ZMAT4: variants seen among roughly 807,000 people sequenced by gnomAD.
ZMAT4 encodes zinc finger matrin-type 4, also known as zinc finger matrin-type protein 4.
ZMAT4 carries 17 observed loss-of-function variants against 28.7 expected under a neutral mutation model. The observed-to-expected ratio is 0.59, with a 90% confidence interval of 0.41 to 0.89. The LOEUF (loss-of-function observed/expected upper bound fraction) is 0.89. ZMAT4 is among the 40% of genes least tolerant of loss of function. The pLI, the probability that ZMAT4 is intolerant of heterozygous loss-of-function variation, is 0.00. For missense variants in ZMAT4, 240 were observed against 283.8 expected (o/e 0.85, Z 1.11); for synonymous variants, 117 against 109.2 (o/e 1.07, Z -0.44).
At chr8:40,567,557 C>T (rs1322362246) in intron 6 of ZMAT4, among the ~76,000 whole-genome samples, 2 of 151,884 alleles carry the variant, frequency 1.3e-5, no homozygotes, top group South Asian at 2.1e-4. Flanking sequence ...ATGGTGAAAC[C>T]CTGTCCCTAC....
chr8:40,788,313 G>A (rs890232013), intron 2 of ZMAT4, among the ~76,000 whole-genome samples: 13 of 152,144 alleles, frequency 8.5e-5, no homozygotes, highest in South Asian at 2.1e-4. Context: ...GGCTGGGCAC[G>A]GTGGCTCACG....
intron 3 of ZMAT4, among the ~76,000 whole-genome samples, chr8:40,721,318 T>G (rs1316898836): frequency 7.7e-6 from 1 of 130,444 alleles, no homozygotes; most frequent in African/African-American, 2.9e-5. Context: ...TCATCATTTT[T>G]TATGGCTGCA....
At chr8:40,839,418 C>T (rs1586147667) in intron 1 of ZMAT4, among the ~76,000 whole-genome samples, 1 of 152,200 alleles carries the variant, frequency 6.6e-6, no homozygotes, top group Admixed American at 6.5e-5. Flanking sequence ...TTGGAAAGTA[C>T]ATTTAAGTAC....
At chr8:40,628,296 T>TATGG (rs978533100) in intron 5 of ZMAT4, among the ~76,000 whole-genome samples, 1 of 152,172 alleles carries the variant, frequency 6.6e-6, no homozygotes, top group African/African-American at 2.4e-5. Flanking sequence ...GACGGTAATA[T>TATGG]ATGGATCAAA....
chr8:40,875,577 G>A (rs556052399), intron 1 of ZMAT4, among the ~76,000 whole-genome samples: 1 of 152,332 alleles, frequency 6.6e-6, no homozygotes, highest in African/African-American at 2.4e-5. Flanking sequence ...TGGGAAAGCA[G>A]GCTAGAGTGT....
chr8:40,678,612 T>C, intron 4 of ZMAT4, among the ~76,000 whole-genome samples: 1 of 152,230 alleles, frequency 6.6e-6, no homozygotes, highest in South Asian at 2.1e-4. Context: ...CACAATTCAT[T>C]TGGCATTTCT....
intron 4 of ZMAT4, among the ~76,000 whole-genome samples, chr8:40,689,534 T>C (rs921177537): frequency 1.3e-5 from 2 of 152,216 alleles, no homozygotes; most frequent in African/African-American, 2.4e-5. Flanking sequence ...TTAAAATGTA[T>C]AGATATTTCA....
intron 4 of ZMAT4, among the ~76,000 whole-genome samples, chr8:40,687,693 G>A (rs926267690): frequency 6.6e-6 from 1 of 152,098 alleles, no homozygotes; most frequent in Non-Finnish European, 1.5e-5. Flanking sequence ...TGGACTAAAT[G>A]TTCATTTACC....
chr8:40,579,897 T>A, intron 6 of ZMAT4, among the ~76,000 whole-genome samples: 1 of 151,464 alleles, frequency 6.6e-6, no homozygotes, highest in South Asian at 2.1e-4. Flanking sequence ...GATTGCTCCC[T>A]CCCCCATGCT....
At chr8:40,619,757 G>A (rs1419978833) in intron 5 of ZMAT4, among the ~76,000 whole-genome samples, 1 of 152,200 alleles carries the variant, frequency 6.6e-6, no homozygotes, top group Non-Finnish European at 1.5e-5. Flanking sequence ...ATTTAAATCA[G>A]AGGCTCTGAA....
chr8:40,815,107 G>A (rs61242549), intron 2 of ZMAT4, among the ~76,000 whole-genome samples: 13,213 of 151,838 alleles, frequency 0.087, 882 homozygotes, highest in East Asian at 0.31. Flanking sequence ...AAACCCTGTC[G>A]CTATTAAAAA....
chr8:40,802,070 C>T (rs1006521269), intron 2 of ZMAT4, among the ~76,000 whole-genome samples: 2 of 152,132 alleles, frequency 1.3e-5, no homozygotes, highest in Admixed American at 1.3e-4. Flanking sequence ...AATAGAGAAA[C>T]ATTTTCTCAA....
intron 1 of ZMAT4, among the ~76,000 whole-genome samples, chr8:40,850,750 C>G (rs1247370475): frequency 6.6e-6 from 1 of 152,122 alleles, no homozygotes; most frequent in Non-Finnish European, 1.5e-5. Flanking sequence ...TACGTAAACC[C>G]TCACCTTATG....
In ZMAT4 at chr8:40,702,540, G is replaced by A. The variant is rs543361104; in HGVS notation, c.193-5139C>T. 7.9e-5 allele frequency among the ~76,000 whole-genome samples: 12 copies of A among 152,240 alleles called. No homozygotes were observed. In the East Asian group the frequency reaches 2.3e-3, roughly 29 times the overall value. ...AAAAGTTTTCAGAAGAATTCAATCAGGATGGAAAACCTCACTGACTGGCTA... is the reference window on the plus strand; with the variant it reads ...AAAAGTTTTCAGAAGAATTCAATCAAGATGGAAAACCTCACTGACTGGCTA... On this transcript the variant is annotated intron_variant, in intron 3 of 6. Coordinates refer to ENST00000297737, the MANE Select transcript of ZMAT4 (RefSeq NM_024645.3).
chr8:40,823,922 G>T (rs1815925747), intron 2 of ZMAT4, among the ~76,000 whole-genome samples: 1 of 152,142 alleles, frequency 6.6e-6, no homozygotes, highest in African/African-American at 2.4e-5. Context: ...TTGCTGCAAA[G>T]GAATTAATGA....
intron 2 of ZMAT4, among the ~76,000 whole-genome samples, chr8:40,771,650 T>C (rs1202777705): frequency 6.6e-6 from 1 of 152,264 alleles, no homozygotes; most frequent in Admixed American, 6.5e-5. Flanking sequence ...ATGAGCCTTC[T>C]TAACCCAAGA....
intron 2 of ZMAT4, among the ~76,000 whole-genome samples, chr8:40,800,997 AG>A (rs1422677388): frequency 6.6e-6 from 1 of 152,076 alleles, no homozygotes; most frequent in African/African-American, 2.4e-5. Flanking sequence ...AACAAAAAAG[AG>A]ATGACACAAA....
intron 1 of ZMAT4, among the ~76,000 whole-genome samples, chr8:40,891,643 G>A (rs1023696927): frequency 2.0e-5 from 3 of 151,962 alleles, no homozygotes; most frequent in East Asian, 2.0e-4. Flanking sequence ...TGATGGTCTC[G>A]CTGGGCCAGT....
intron 2 of ZMAT4, among the ~76,000 whole-genome samples, chr8:40,813,463 T>C (rs1254979280): frequency 6.6e-6 from 1 of 152,240 alleles, no homozygotes; most frequent in Non-Finnish European, 1.5e-5. Context: ...CTGCCTGCTC[T>C]GAGGATAAAC....
Sources: gnomAD v4.1 joint callset for allele counts (sites outside exome capture counted in the v4.1 genomes callset) on GRCh38, gnomAD v4.1.1 for gene constraint, MANE v1.5 for transcripts, NCBI Gene and HGNC (gene_info 2026-07-23, HGNC 2026-07-21) for gene names.